The following SIGIRR variants were observed in gnomAD, a reference collection of about 807,000 sequenced individuals.
The protein encoded by SIGIRR is single Ig IL-1-related receptor.
In SIGIRR, 41 loss-of-function variants were observed where a neutral mutation model predicts 45.6. The observed-to-expected ratio is 0.90, with a 90% CI of 0.70 to 1.17. SIGIRR has a LOEUF of 1.17. Ranked by LOEUF, SIGIRR falls within the 50% of genes most tolerant of loss-of-function variation. The pLI is 0.00. For missense variants in SIGIRR, 599 were observed against 539.6 expected (o/e 1.11, Z -1.09); for synonymous variants, 298 against 239.0 (o/e 1.25, Z -2.28).
upstream of SIGIRR, among the ~76,000 whole-genome samples, chr11:415,886 C>T (rs1160266341): frequency 1.3e-5 from 2 of 152,172 alleles, no homozygotes; most frequent in African/African-American, 2.4e-5. The surrounding 1 kb of genome is among the most constrained non-coding windows in gnomAD (Gnocchi z 6.6). Flanking sequence ...CCTGGCCCTG[C>T]CCTCAGCCAC....
chr11:407,947 G>A lies in SIGIRR; in HGVS notation c.351C>T (p.Ser117=). 1 of 1,608,086 alleles carries A rather than the reference G, an allele frequency of 6.2e-7. No homozygotes were observed. Among genetic ancestry groups the A allele is most frequent in the African/African-American group, 1.3e-5 (1 of 74,958 alleles). The change falls in exon 5 of 10, where the codon AGC becomes AGT. Residue 117 remains serine, a synonymous_variant. Transcript: ENST00000431843. ...GGGAGGCCAGCACCGCAGCCACGTG[G>A]CTTGTAGGGCCTGCGGATGGGTTGC... is the stretch of plus-strand genomic sequence containing the variant. ...SFTLQRAGPT[S]HVAAVLASLL... is the part of the protein sequence containing the mutation.
chr11:416,323 G>T (rs1847880096), upstream of SIGIRR, among the ~76,000 whole-genome samples: 1 of 152,014 alleles, frequency 6.6e-6, no homozygotes, highest in Non-Finnish European at 1.5e-5. This position sits in a 1 kb window ranked among gnomAD's most constrained non-coding sequence, Gnocchi z 9.1. Context: ...CTCAGGGCTG[G>T]CTTGGCACCC....
chr11:409,208 C>A, intron 2 of SIGIRR: 1 of 485,714 alleles, frequency 2.1e-6, no homozygotes, highest in Non-Finnish European at 3.9e-6. Flanking sequence ...CCCCATTTCC[C>A]AGATGCACCT....
chr11:408,911 A>G lies in SIGIRR; in HGVS notation c.8-18T>C. ...ACAGACACCTGAAGAGAGAGGACAC[A>G]GTGGGTCAGCTGTGCCAGGGTGCCT... On this transcript the variant is annotated intron_variant, in intron 2 of 9. Transcript: ENST00000431843. The G allele has an allele frequency of 6.2e-7, 1 of 1,611,634 alleles. No individual in the cohort carries two copies.
chr11:407,712 G>T, intron 5 of SIGIRR, 105 bp downstream of exon 5: 1 of 1,569,454 alleles, frequency 6.4e-7, no homozygotes, highest in South Asian at 1.2e-5. Flanking sequence ...CAGAGCACCC[G>T]GGGGCTAACC....
intron 5 of SIGIRR, 92 bp downstream of exon 5, chr11:407,725 T>A: frequency 6.3e-7 from 1 of 1,577,486 alleles, no homozygotes; most frequent in South Asian, 1.2e-5. Context: ...GGCTAACCCC[T>A]CCCCGCCGCA....
chr11:409,750 C>G, intron 2 of SIGIRR, 118 bp downstream of exon 2: 2 of 1,187,656 alleles, frequency 1.7e-6, no homozygotes, highest in Non-Finnish European at 2.2e-6. Flanking sequence ...CTTTGTACCC[C>G]CGGCATGTGG....
At chr11:413,594 C>G (rs568461168) in intron 1 of SIGIRR, among the ~76,000 whole-genome samples, 1 of 151,902 alleles carries the variant, frequency 6.6e-6, no homozygotes, top group Non-Finnish European at 1.5e-5. Flanking sequence ...TGCCAGGATA[C>G]GAGCACAGCA....
upstream of SIGIRR, among the ~76,000 whole-genome samples, chr11:416,201 C>G (rs934533141): frequency 7.2e-5 from 11 of 152,092 alleles, no homozygotes; most frequent in African/African-American, 2.7e-4. The surrounding 1 kb of genome is among the most constrained non-coding windows in gnomAD (Gnocchi z 9.1). Flanking sequence ...GCCCAGGGCA[C>G]CCCCGCAGGA....
At chr11:407,310 G>A in intron 6 of SIGIRR, 115 bp downstream of exon 6, 1 of 837,656 alleles carries the variant, frequency 1.2e-6, no homozygotes, top group South Asian at 2.0e-5. Context: ...CCTCGGGTGG[G>A]CGGGGATGGG....
At position 407,394 on chromosome 11, in the gene SIGIRR, T is replaced by C. The variant is rs1238412940; in HGVS notation, c.625+31A>G. 5.2e-5 allele frequency: 48 copies of C among 929,116 alleles called. 1 individual carries two copies. Among genetic ancestry groups the C allele is most frequent in the Middle Eastern group, 7.2e-4 (2 of 2,766 alleles). 57.6% of individuals were successfully genotyped at this position (929,116 alleles called of 1,614,324 possible). A position where few individuals can be genotyped will look rare whatever the true frequency, so the allele number is the denominator to read the frequency against. On this transcript the variant is annotated intron_variant, in intron 6 of 9. Coordinates refer to ENST00000431843, the MANE Select transcript of SIGIRR (RefSeq NM_001135054.2). Reference sequence around the variant, plus strand: ...GGCGGGGCGGGGCGGGCCCTCCGGGTGGGCGGGGCACGGGGTGGGGCCCGG... The same window carrying C: ...GGCGGGGCGGGGCGGGCCCTCCGGGCGGGCGGGGCACGGGGTGGGGCCCGG...
Position 409,918 on chromosome 11 carries a change from T to C in SIGIRR, c.-44A>G. ...CCTCGGGGCAGGCTGGGCTCCAGGG[T>C]CACCCCTGGCTCCACCGGGCTCCTC... On this transcript the variant is annotated 5_prime_UTR_variant, in exon 2 of 10. Transcript: ENST00000431843. 7.7e-7 allele frequency: 1 copy of C among 1,292,528 alleles called. No homozygotes were observed. The highest frequency in any genetic ancestry group is 9.9e-7 in the Non-Finnish European group (1 of 1,013,486). 80.1% of individuals were successfully genotyped at this position (1,292,528 alleles called of 1,614,324 possible). A position where few individuals can be genotyped will look rare whatever the true frequency, so the allele number is the denominator to read the frequency against.
In SIGIRR at chr11:408,155, G is replaced by C. The variant is rs142561304; in HGVS notation, c.258C>G (p.Asn86Lys). ...CCCCATAGACTTCAGTGCTGGTCAC[G>C]TTGACCCCCAGGACACTGGACACAA... ...EVLVSSVLGV[N>K]VTSTEVYGAF... Residue 86 changes from asparagine to lysine, a missense_variant, in exon 4 of 10, where the codon AAC becomes AAG. Transcript: ENST00000431843. 1.9e-6 allele frequency: 3 copies of C among 1,612,798 alleles called. No homozygotes were observed. The Admixed American group carries it at 5.0e-5, about 27-fold the overall frequency.
At position 409,904 on chromosome 11, in the gene SIGIRR, G is replaced by A; in HGVS notation, c.-30C>T. The A allele has an allele frequency of 2.3e-6, 3 of 1,307,498 alleles. No individual in the cohort carries two copies. Among genetic ancestry groups the A allele is most frequent in the Non-Finnish European group, 9.8e-7 (1 of 1,021,224 alleles). 81.0% of individuals were successfully genotyped at this position (1,307,498 alleles called of 1,614,324 possible). A position where few individuals can be genotyped will look rare whatever the true frequency, so the allele number is the denominator to read the frequency against. On this transcript the variant is annotated 5_prime_UTR_variant, in exon 2 of 10. Transcript: ENST00000431843. ...CTGAGCCGGGGCCTCCTCGGGGCAG[G>A]CTGGGCTCCAGGGTCACCCCTGGCT...
chr11:413,176 C>T (rs536164186), intron 1 of SIGIRR, among the ~76,000 whole-genome samples: 2 of 152,288 alleles, frequency 1.3e-5, no homozygotes, highest in South Asian at 4.1e-4. Flanking sequence ...CCCGCTAAGG[C>T]CCCAGAGGCA....
At chr11:409,134 G>C (rs1052662982) in intron 2 of SIGIRR, 5 of 567,820 alleles carry the variant, frequency 8.8e-6, no homozygotes, top group Admixed American at 8.8e-5. Context: ...CCACAGTTGA[G>C]CTGCCCCAGG....
chr11:415,247 T>TGTGC (rs1847849734), upstream of SIGIRR, among the ~76,000 whole-genome samples: 1 of 106,822 alleles, frequency 9.4e-6, no homozygotes, highest in Non-Finnish European at 1.9e-5. The surrounding 1 kb of genome is among the most constrained non-coding windows in gnomAD (Gnocchi z 6.6). Context: ...TGTGTGTGTG[T>TGTGC]GTGCAGTGTG....
At position 414,944 on chromosome 11, in the gene SIGIRR, C is replaced by G. The variant is rs926213599; in HGVS notation, c.-275G>C. 1.7e-4 allele frequency: 156 copies of G among 922,472 alleles called. No individual in the cohort carries two copies. The highest frequency in any genetic ancestry group is 1.9e-4 in the Non-Finnish European group (148 of 772,656). 57.1% of individuals were successfully genotyped at this position (922,472 alleles called of 1,614,324 possible). ...AGCACCAAGGCTGCTATGGATGCATCGCCAAGCGCGGTGGGGACCTGGCTT... is the reference window on the plus strand; with the variant it reads ...AGCACCAAGGCTGCTATGGATGCATGGCCAAGCGCGGTGGGGACCTGGCTT... On this transcript the variant is annotated 5_prime_UTR_variant, in exon 1 of 10. Coordinates refer to ENST00000431843, the MANE Select transcript of SIGIRR (RefSeq NM_001135054.2).
intron 3 of SIGIRR, 112 bp from the exon 4 acceptor site, chr11:408,318 T>C (rs1847446481): frequency 1.4e-6 from 2 of 1,411,272 alleles, no homozygotes; most frequent in South Asian, 1.4e-5. Flanking sequence ...TCCTGGGTGG[T>C]TCTTGGGCCT....
Sources: allele counts gnomAD v4.1 joint callset (sites outside exome capture counted in the v4.1 genomes callset), GRCh38; gene constraint gnomAD v4.1.1; non-coding constraint Gnocchi (gnomAD v3.1); transcripts MANE v1.5; gene names NCBI Gene and HGNC (gene_info 2026-07-23, HGNC 2026-07-21).